The following SULF1 variants were observed in gnomAD, a reference collection of about 807,000 sequenced individuals.
The protein encoded by SULF1 is extracellular sulfatase Sulf-1.
In SULF1, 46 loss-of-function variants were observed where a neutral mutation model predicts 110.5. That is an observed-to-expected ratio of 0.42 (90% CI 0.33 to 0.53). SULF1 has a LOEUF of 0.53. Ranked by LOEUF, SULF1 falls within the 20% of genes least tolerant of loss-of-function variation. The pLI is 0.12. For missense variants in SULF1, 941 were observed against 1,094.2 expected, an observed-to-expected ratio of 0.86 and a Z score of 1.98; for synonymous variants, 371 against 387.1, an observed-to-expected ratio of 0.96 and a Z score of 0.49.
rs373416796 is a variant in SULF1 at position 69,628,245 on chromosome 8, C to G, written c.2108+9C>G. The G allele has an allele frequency of 5.6e-6, 9 of 1,609,072 alleles. No individual in the cohort carries two copies. In the South Asian group the frequency reaches 9.9e-5, roughly 18 times the overall value. Reference sequence around the variant, plus strand: ...CATCTTCACCCATTCAAGTAAGTAACTCTCTGTTTTCCACATTTGCTGGGA... The same window carrying G: ...CATCTTCACCCATTCAAGTAAGTAAGTCTCTGTTTTCCACATTTGCTGGGA... On this transcript the variant is annotated intron_variant, in intron 18 of 22. Transcript: ENST00000402687.
intron 12 of SULF1, 71 bp from the exon 13 acceptor site, chr8:69,604,732 A>G (rs1035028138): frequency 5.9e-5 from 90 of 1,525,890 alleles, no homozygotes; most frequent in Middle Eastern, 1.8e-4. Context: ...TAAAAAAAAA[A>G]AGGGGGCAGG....
At position 69,659,304 on chromosome 8, in the gene SULF1, T is replaced by G. The variant is rs1353877877; in HGVS notation, c.*769T>G. ...AGCACCTAGAAGGCAGCGCCTCCTC[T>G]TCACTCTCCTCTGATTAGATGAAAC... On this transcript the variant is annotated 3_prime_UTR_variant, in exon 23 of 23. Coordinates refer to ENST00000402687, the MANE Select transcript of SULF1 (RefSeq NM_001128205.2). The G allele has an allele frequency of 2.4e-6, 1 of 416,716 alleles. No homozygotes were observed. Among genetic ancestry groups the G allele is most frequent in the Admixed American group, 2.8e-5 (1 of 35,112 alleles). 25.8% of individuals were successfully genotyped at this position (416,716 alleles called of 1,614,324 possible). A position where few individuals can be genotyped will look rare whatever the true frequency, so the allele number is the denominator to read the frequency against.
chr8:69,526,843 G>GGA (rs1563498501), intron 3 of SULF1, among the ~76,000 whole-genome samples: 14 of 71,362 alleles, frequency 2.0e-4, no homozygotes, highest in Admixed American at 5.5e-4. Flanking sequence ...GGAAGGAAGG[G>GGA]AGGAAGGAAG....
intron 13 of SULF1, among the ~76,000 whole-genome samples, chr8:69,614,437 A>C (rs1220038001): frequency 6.6e-6 from 1 of 152,242 alleles, no homozygotes; most frequent in Non-Finnish European, 1.5e-5. Context: ...ATTCATAAAG[A>C]GTGCTCTAGA....
At chr8:69,572,041 C>A (rs957098340) in intron 5 of SULF1, among the ~76,000 whole-genome samples, 10 of 152,184 alleles carry the variant, frequency 6.6e-5, no homozygotes, top group African/African-American at 2.4e-4. Context: ...CTCATCTGTG[C>A]CTGAGCCACT....
At chr8:69,582,735 A>G (rs1007052588) in intron 6 of SULF1, among the ~76,000 whole-genome samples, 6 of 150,310 alleles carry the variant, frequency 4.0e-5, no homozygotes, top group Admixed American at 4.0e-4. Flanking sequence ...ACCCGTAGGG[A>G]TGAGGAGGAG....
Position 69,603,303 on chromosome 8 carries a change from A to G in SULF1, c.1173A>G (p.Pro391=). The G allele has an allele frequency of 6.2e-7, 1 of 1,614,142 alleles. No individual in the cohort carries two copies. The highest frequency in any genetic ancestry group is 2.2e-5 in the East Asian group (1 of 44,874). ...DGKSVLKLLD[P]EKPGNRFRTN... is the part of the protein sequence containing the mutation. ...AGTCTGTCCTCAAACTTCTGGACCCAGAAAAGCCAGGTAACAGGTGTGTCA... is the reference window on the plus strand; with the variant it reads ...AGTCTGTCCTCAAACTTCTGGACCCGGAAAAGCCAGGTAACAGGTGTGTCA... Residue 391 remains proline (P), a synonymous_variant, in exon 11 of 23, where the codon CCA becomes CCG. Coordinates refer to ENST00000402687, the MANE Select transcript of SULF1 (RefSeq NM_001128205.2).
intron 1 of SULF1, among the ~76,000 whole-genome samples, chr8:69,480,346 T>C (rs1344415154): frequency 6.6e-6 from 1 of 152,180 alleles, no homozygotes; most frequent in Non-Finnish European, 1.5e-5. Flanking sequence ...GTGAGGTAAT[T>C]AGTGTTAGAA....
chr8:69,551,991 C>G (rs1238586805), intron 3 of SULF1, among the ~76,000 whole-genome samples: 2 of 152,206 alleles, frequency 1.3e-5, no homozygotes, highest in Non-Finnish European at 2.9e-5. Context: ...ACTCAGAAGG[C>G]TGAGGCAGGA....
At chr8:69,486,339 A>C (rs1345432732) in intron 1 of SULF1, among the ~76,000 whole-genome samples, 1 of 152,114 alleles carries the variant, frequency 6.6e-6, no homozygotes, top group Non-Finnish European at 1.5e-5. Flanking sequence ...AAAAAATCAC[A>C]AATCTGTAGA....
intron 3 of SULF1, among the ~76,000 whole-genome samples, chr8:69,545,837 C>G (rs188880735): frequency 3.9e-5 from 6 of 152,214 alleles, no homozygotes; most frequent in African/African-American, 1.4e-4. Flanking sequence ...CTGATGTTTT[C>G]TTTTGTTTTG....
intron 1 of SULF1, among the ~76,000 whole-genome samples, chr8:69,479,848 C>T (rs1586195798): frequency 6.6e-6 from 1 of 152,082 alleles, no homozygotes; most frequent in African/African-American, 2.4e-5. Context: ...TAAATTCTAC[C>T]GGGATGAAAA....
At chr8:69,656,585 T>G (rs1812753598) in intron 22 of SULF1, among the ~76,000 whole-genome samples, 1 of 152,216 alleles carries the variant, frequency 6.6e-6, no homozygotes. Flanking sequence ...TGGTTTTCTG[T>G]TCTTGTGTTA....
chr8:69,509,509 T>C (rs1811416443), intron 3 of SULF1, among the ~76,000 whole-genome samples: 1 of 152,252 alleles, frequency 6.6e-6, no homozygotes. Context: ...GGAATTCAGC[T>C]GAGGGTTGAC....
At chr8:69,599,190 C>G (rs1469145780) in intron 8 of SULF1, among the ~76,000 whole-genome samples, 1 of 152,146 alleles carries the variant, frequency 6.6e-6, no homozygotes, top group East Asian at 1.9e-4. Context: ...GATTCTTTCC[C>G]TAGTTTTATA....
intron 3 of SULF1, among the ~76,000 whole-genome samples, chr8:69,516,319 A>G (rs72658230): frequency 0.027 from 4,086 of 152,198 alleles, 87 homozygotes; most frequent in Non-Finnish European, 0.038. Context: ...GGTGAAGGGG[A>G]AGCTGGCATT....
chr8:69,545,121 G>C (rs1244603895), intron 3 of SULF1, among the ~76,000 whole-genome samples: 3 of 145,416 alleles, frequency 2.1e-5, no homozygotes, highest in African/African-American at 7.7e-5. Flanking sequence ...GCTCATGAGA[G>C]ATTCCTAATA....
At chr8:69,625,490 T>G (rs1662146560) in intron 15 of SULF1, among the ~76,000 whole-genome samples, 1 of 152,232 alleles carries the variant, frequency 6.6e-6, no homozygotes, top group East Asian at 1.9e-4. Flanking sequence ...ATCTGGAGTC[T>G]GTCCCTTCTG....
At chr8:69,653,577 A>T (rs1812514223) in intron 22 of SULF1, among the ~76,000 whole-genome samples, 1 of 152,282 alleles carries the variant, frequency 6.6e-6, no homozygotes, top group South Asian at 2.1e-4. Flanking sequence ...ATTTCTCTGA[A>T]CCCTGTTATC....
Sources: gnomAD v4.1 joint callset for allele counts (sites outside exome capture counted in the v4.1 genomes callset) on GRCh38, gnomAD v4.1.1 for gene constraint, MANE v1.5 for transcripts, NCBI Gene and HGNC (gene_info 2026-07-23, HGNC 2026-07-21) for gene names.